The following MYO1E variants were observed in gnomAD, a reference collection of about 807,000 sequenced individuals.
The protein encoded by MYO1E is unconventional myosin-Ie.
MYO1E carries 68 observed loss-of-function variants against 151.1 expected under a neutral mutation model. The observed-to-expected ratio is 0.45, with a 90% CI of 0.37 to 0.55. The LOEUF (loss-of-function observed/expected upper bound fraction) is 0.55, where lower values mean the gene tolerates loss of function less well. MYO1E is among the 20% of genes least tolerant of loss of function. MYO1E has a pLI of 0.00. For missense variants in MYO1E, 1,363 were observed against 1,389.3 expected (o/e 0.98, Z 0.30); for synonymous variants, 601 against 501.7 (o/e 1.20, Z -2.64).
intron 10 of MYO1E, among the ~76,000 whole-genome samples, chr15:59,215,502 C>A (rs759922635): frequency 8.5e-5 from 13 of 152,128 alleles, no homozygotes; most frequent in Non-Finnish European, 1.9e-4. Flanking sequence ...CCAAGCAATT[C>A]ATGGGAACAG....
At chr15:59,272,816 T>A (rs1414849620) in intron 1 of MYO1E, among the ~76,000 whole-genome samples, 1 of 152,252 alleles carries the variant, frequency 6.6e-6, no homozygotes, top group Non-Finnish European at 1.5e-5. Context: ...GTTGACAGTC[T>A]CGGATGAGAC....
At chr15:59,314,696 A>C (rs2080574969) in intron 1 of MYO1E, among the ~76,000 whole-genome samples, 1 of 152,126 alleles carries the variant, frequency 6.6e-6, no homozygotes, top group Non-Finnish European at 1.5e-5. Context: ...GGTCAGACTG[A>C]GGAGGGGGTA....
intron 17 of MYO1E, among the ~76,000 whole-genome samples, chr15:59,191,878 G>A (rs1313794720): frequency 1.3e-5 from 2 of 152,082 alleles, no homozygotes; most frequent in African/African-American, 2.4e-5. Flanking sequence ...GACTGTCCCT[G>A]GCCGTTTACT....
intron 12 of MYO1E, 132 bp downstream of exon 12, chr15:59,214,096 G>C (rs1483751368): frequency 2.4e-5 from 17 of 702,794 alleles, no homozygotes; most frequent in Non-Finnish European, 4.0e-5. Context: ...TGGTTTTTCT[G>C]CCTGACTTTA....
rs541427001 is a variant in MYO1E at position 59,243,608 on chromosome 15, G to A, written c.333-6936C>T. Among the ~76,000 whole-genome samples, 3 of 152,160 alleles carry A rather than the reference G, an allele frequency of 2.0e-5. No individual in the cohort carries two copies. The South Asian group carries it at 6.2e-4, about 32-fold the overall frequency. On this transcript the variant is annotated intron_variant, in intron 4 of 27. Coordinates refer to ENST00000288235, the MANE Select transcript of MYO1E (RefSeq NM_004998.4). ...CGGTAAACCTTTAAGACCCTCATATGGGTTGACTAGTCAATAAAAATCAAC... is the reference window on the plus strand; with the variant it reads ...CGGTAAACCTTTAAGACCCTCATATAGGTTGACTAGTCAATAAAAATCAAC...
At chr15:59,206,794 C>A in intron 14 of MYO1E, 1 of 748,586 alleles carries the variant, frequency 1.3e-6, no homozygotes, top group Non-Finnish European at 2.1e-6. Context: ...TGGCAAGGCC[C>A]GCGCAGCCGC....
intron 4 of MYO1E, among the ~76,000 whole-genome samples, chr15:59,244,807 T>A (rs554356527): frequency 6.6e-6 from 1 of 152,254 alleles, no homozygotes; most frequent in South Asian, 2.1e-4. Flanking sequence ...AGATGAAAAA[T>A]GATACAATTA....
intron 26 of MYO1E, among the ~76,000 whole-genome samples, chr15:59,139,192 C>T (rs1226522126): frequency 6.6e-6 from 1 of 151,930 alleles, no homozygotes; most frequent in African/African-American, 2.4e-5. Context: ...CCAGAGACTT[C>T]CCTCCCACCA....
At chr15:59,327,824 T>G (rs1455630648) in intron 1 of MYO1E, among the ~76,000 whole-genome samples, 1 of 152,126 alleles carries the variant, frequency 6.6e-6, no homozygotes, top group Non-Finnish European at 1.5e-5. Flanking sequence ...TGCTGACAAC[T>G]TGTACATGAA....
At chr15:59,200,484 TCTA>T (rs61567473) in intron 16 of MYO1E, among the ~76,000 whole-genome samples, 1,748 of 152,230 alleles carry the variant, frequency 0.011, 64 homozygotes, top group East Asian at 0.043. Context: ...CTCAGAGGGC[TCTA>T]CCCTACAGCT....
chr15:59,208,427 C>A, intron 14 of MYO1E: 1 of 585,396 alleles, frequency 1.7e-6, no homozygotes, highest in Non-Finnish European at 3.1e-6. Context: ...TTCTTTCATT[C>A]TTGCTGGTTT....
intron 1 of MYO1E, among the ~76,000 whole-genome samples, chr15:59,283,394 A>C (rs2080368956): frequency 6.6e-6 from 1 of 151,974 alleles, no homozygotes; most frequent in African/African-American, 2.4e-5. Context: ...ACCCAACTCT[A>C]TGCCTACTAA....
intron 15 of MYO1E, 79 bp from the exon 16 acceptor site, chr15:59,202,486 G>T: frequency 7.9e-7 from 1 of 1,268,280 alleles, no homozygotes; most frequent in Non-Finnish European, 1.2e-6. Flanking sequence ...AGAGGATGGG[G>T]TGAAGGGCCG....
intron 22 of MYO1E, among the ~76,000 whole-genome samples, chr15:59,166,599 C>G (rs1015458054): frequency 2.0e-5 from 3 of 151,730 alleles, no homozygotes; most frequent in Non-Finnish European, 4.4e-5. Context: ...GATAGCCCTG[C>G]CTTTATTTAA....
chr15:59,351,755 G>A (rs769433427), intron 1 of MYO1E, among the ~76,000 whole-genome samples: 1 of 152,158 alleles, frequency 6.6e-6, no homozygotes, highest in Non-Finnish European at 1.5e-5. Flanking sequence ...GAAATGGCAG[G>A]AGCAAGGCAG....
chr15:59,202,331 T>C lies in MYO1E; in HGVS notation c.1693A>G (p.Ile565Val). ...CTTCCTAAAATAGAACTAACCTTTA[T>C]TTTGCTTCCGGCAGTAGTTGGGCGC... ...KGRPTTAGSKIKKQANDLVST... is the reference protein window; with the variant it reads ...KGRPTTAGSKVKKQANDLVST... Residue 565 changes from isoleucine to valine, a missense_variant, in exon 16 of 28, where the codon ATA (isoleucine) becomes GTA (valine). Coordinates refer to ENST00000288235, the MANE Select transcript of MYO1E (RefSeq NM_004998.4). The C allele has an allele frequency of 3.1e-6, 5 of 1,613,834 alleles. No individual in the cohort carries two copies. Among genetic ancestry groups the C allele is most frequent in the Non-Finnish European group, 4.2e-6 (5 of 1,179,708 alleles).
intron 22 of MYO1E, among the ~76,000 whole-genome samples, chr15:59,165,713 C>G (rs1487663720): frequency 6.6e-6 from 1 of 152,200 alleles, no homozygotes; most frequent in African/African-American, 2.4e-5. Context: ...AAAAGCTGCT[C>G]AAAAGAGCTC....
chr15:59,147,720 G>T (rs1441588056), intron 26 of MYO1E, among the ~76,000 whole-genome samples: 1 of 151,940 alleles, frequency 6.6e-6, no homozygotes. Context: ...CATGTCTAGT[G>T]ATTATTACCA....
intron 1 of MYO1E, among the ~76,000 whole-genome samples, chr15:59,300,921 G>A (rs1166096868): frequency 7.2e-6 from 1 of 138,354 alleles, no homozygotes; most frequent in Non-Finnish European, 1.5e-5. Flanking sequence ...AGGCTAGAGT[G>A]CACTGGCACC....
Sources: allele counts gnomAD v4.1 joint callset (sites outside exome capture counted in the v4.1 genomes callset), GRCh38; gene constraint gnomAD v4.1.1; transcripts MANE v1.5; gene names NCBI Gene and HGNC (gene_info 2026-07-23, HGNC 2026-07-21).